Variants in ABCB4 observed in about 807,000 individuals in gnomAD.
The protein encoded by ABCB4 is phosphatidylcholine translocator ABCB4.
A neutral mutation model predicts 145.7 loss-of-function variants in ABCB4; 76 were observed. That is an observed-to-expected ratio of 0.52 (90% confidence interval 0.43 to 0.63). The LOEUF (loss-of-function observed/expected upper bound fraction) is 0.63. Among genes scored for constraint, ABCB4 ranks in the 30% least tolerant of loss-of-function variants. The pLI is 0.00. For synonymous variants in ABCB4, 517 were observed against 566.8 expected (o/e 0.91, Z 1.25); for missense variants, 1,234 against 1,553.1 (o/e 0.79, Z 3.45).
intron 5 of ABCB4, among the ~76,000 whole-genome samples, chr7:87,453,828 A>G (rs1176562541): frequency 2.0e-5 from 3 of 152,172 alleles, no homozygotes; most frequent in Non-Finnish European, 4.4e-5. Flanking sequence ...CATATTGCAA[A>G]TATAGTAATA....
the ABCB4 span, among the ~76,000 whole-genome samples, chr7:87,383,709 C>G: frequency 6.6e-6 from 1 of 152,038 alleles, no homozygotes; most frequent in Non-Finnish European, 1.5e-5. Context: ...GTTGGCCAGG[C>G]TGGTCTCTAA....
At position 87,406,380 on chromosome 7, in the gene ABCB4, A is replaced by C; in HGVS notation, c.3394T>G (p.Tyr1132Asp). The C allele has an allele frequency of 6.2e-7, 1 of 1,614,184 alleles. No homozygotes were observed. Among genetic ancestry groups the C allele is most frequent in the Non-Finnish European group, 8.5e-7 (1 of 1,180,030 alleles). Reference protein sequence around the residue: ...FDCSIAENIAYGDNSRVVSQD... With the variant: ...FDCSIAENIADGDNSRVVSQD... ...GATACAACCCGGCTGTTGTCTCCAT[A>C]GGCAATATTCTCGGCAATGCTGCAG... Residue 1132 changes from tyrosine to aspartate, a missense_variant, in exon 26 of 28, where the codon TAT becomes GAT. This residue lies in a region of ABCB4 where 301 missense variants were observed against 389.0 expected (regional missense o/e 0.77). Transcript: ENST00000649586.
intron 15 of ABCB4, 146 bp downstream of exon 15, chr7:87,431,258 T>C: frequency 9.5e-7 from 1 of 1,052,546 alleles, no homozygotes; most frequent in Non-Finnish European, 1.4e-6. Context: ...TTACAGATTC[T>C]GATTTAAAGT....
At chr7:87,455,771 G>T (rs1343407818) in intron 4 of ABCB4, among the ~76,000 whole-genome samples, 1 of 151,766 alleles carries the variant, frequency 6.6e-6, no homozygotes, top group African/African-American at 2.4e-5. Context: ...TGGTCTCTTT[G>T]TTCCTTTGCC....
At chr7:87,375,802 T>C in the ABCB4 span, 1 of 1,612,968 alleles carries the variant, frequency 6.2e-7, no homozygotes, top group Non-Finnish European at 8.5e-7. Context: ...GTTGTAATAT[T>C]TGATCATCAT....
At chr7:87,464,255 C>T (rs1812699294) in intron 3 of ABCB4, among the ~76,000 whole-genome samples, 1 of 152,170 alleles carries the variant, frequency 6.6e-6, no homozygotes, top group Non-Finnish European at 1.5e-5. Context: ...TCCAGGAGTT[C>T]AGGCAAGGTT....
intron 6 of ABCB4, among the ~76,000 whole-genome samples, chr7:87,452,146 C>T (rs1374401338): frequency 6.6e-6 from 1 of 152,124 alleles, no homozygotes; most frequent in Non-Finnish European, 1.5e-5. Flanking sequence ...AGTATTACTG[C>T]ATTTCTTCTT....
chr7:87,409,306 G>T lies in ABCB4; in HGVS notation c.3011C>A (p.Ala1004Glu). Reference sequence around the variant, plus strand: ...TTCAAACAGCATGAATAAGTGGGCTGCAGACAGCTTAGCTTTAGCATAGTC... The same window carrying T: ...TTCAAACAGCATGAATAAGTGGGCTTCAGACAGCTTAGCTTTAGCATAGTC... ...APDYAKAKLS[A>E]AHLFMLFERQ... Residue 1004 changes from alanine (A) to glutamate (E), a missense_variant, in exon 24 of 28, where the codon GCA (alanine) becomes GAA (glutamate). Transcript: ENST00000649586. The T allele has an allele frequency of 6.2e-7, 1 of 1,614,108 alleles. No homozygotes were observed. The highest frequency in any genetic ancestry group is 1.1e-5 in the South Asian group (1 of 91,084).
At chr7:87,427,045 G>T in intron 15 of ABCB4, 125 bp from the exon 16 acceptor site, 1 of 818,814 alleles carries the variant, frequency 1.2e-6, no homozygotes, top group African/African-American at 1.7e-5. Context: ...CATGTATCAA[G>T]ATTTTCAGAT....
chr7:87,455,388 C>A (rs1374152794), intron 4 of ABCB4, among the ~76,000 whole-genome samples: 2 of 152,178 alleles, frequency 1.3e-5, no homozygotes, highest in African/African-American at 4.8e-5. Flanking sequence ...CCAGGCACTG[C>A]TCTGAATACT....
At chr7:87,431,683 TC>T in intron 14 of ABCB4, 118 bp from the exon 15 acceptor site, 1 of 1,325,180 alleles carries the variant, frequency 7.5e-7, no homozygotes, top group Non-Finnish European at 1.1e-6. Flanking sequence ...TAGTTTATAC[TC>T]CAGATCTCTG....
chr7:87,382,426 A>G, the ABCB4 span: 8 of 1,613,226 alleles, frequency 5.0e-6, no homozygotes, highest in Non-Finnish European at 6.8e-6. Flanking sequence ...TCTGATCTAC[A>G]GATTGCGGCT....
At chr7:87,377,046 AC>A in the ABCB4 span, among the ~76,000 whole-genome samples, 448 of 152,282 alleles carry the variant, frequency 2.9e-3, 3 homozygotes, top group African/African-American at 0.01. Flanking sequence ...TATTCAAGTT[AC>A]AAAACCCTTA....
At chr7:87,468,508 G>A (rs908713990) in intron 3 of ABCB4, among the ~76,000 whole-genome samples, 6 of 152,188 alleles carry the variant, frequency 3.9e-5, no homozygotes, top group Admixed American at 2.0e-4. Context: ...AATAGAAAAA[G>A]AGGGAATCCT....
chr7:87,430,670 G>C, intron 15 of ABCB4, among the ~76,000 whole-genome samples: 1 of 151,928 alleles, frequency 6.6e-6, no homozygotes, highest in East Asian at 1.9e-4. Flanking sequence ...GACTACAGGC[G>C]TGCACCACCA....
chr7:87,375,505 C>T, the ABCB4 span: 6 of 606,144 alleles, frequency 9.9e-6, no homozygotes, highest in African/African-American at 1.8e-5. Context: ...CTATTGGCAT[C>T]ATAAGTGGTT....
At chr7:87,447,273 G>A in intron 8 of ABCB4, 68 bp from the exon 9 acceptor site, 1 of 1,480,168 alleles carries the variant, frequency 6.8e-7, no homozygotes, top group Non-Finnish European at 9.3e-7. Flanking sequence ...GTCACACTCG[G>A]CTCCTATATA....
At chr7:87,407,429 T>C (rs1808279395) in intron 25 of ABCB4, among the ~76,000 whole-genome samples, 1 of 152,204 alleles carries the variant, frequency 6.6e-6, no homozygotes, top group African/African-American at 2.4e-5. Context: ...AACACTTTGG[T>C]GACTGTCTAA....
At chr7:87,443,494 A>G (rs758721234) in intron 11 of ABCB4, 50 bp from the exon 12 acceptor site, 12 of 1,612,156 alleles carry the variant, frequency 7.4e-6, no homozygotes, top group Non-Finnish European at 1.0e-5. Context: ...AAGCCCTAAA[A>G]TGGGAATAAT....
Sources: gnomAD v4.1 joint callset for allele counts (sites outside exome capture counted in the v4.1 genomes callset) on GRCh38, gnomAD v4.1.1 for gene constraint, gnomAD v4.1.1 regional missense constraint, MANE v1.5 for transcripts, NCBI Gene and HGNC (gene_info 2026-07-23, HGNC 2026-07-21) for gene names.